EFNA5: variants seen among roughly 807,000 people sequenced by gnomAD.
EFNA5 encodes ephrin-A5.
Under a neutral mutation model 22.9 loss-of-function variants are expected in EFNA5, and 5 were observed. That is an observed-to-expected ratio of 0.22 (90% CI 0.11 to 0.46). The LOEUF (loss-of-function observed/expected upper bound fraction) is 0.46, where lower values mean the gene tolerates loss of function less well. Among genes scored for constraint, EFNA5 ranks in the 20% least tolerant of loss-of-function variants. The pLI is 0.99. For missense variants in EFNA5, 237 were observed against 293.3 expected (o/e 0.81, Z 1.40); for synonymous variants, 113 against 112.2 (o/e 1.01, Z -0.04).
At chr5:107,529,234 T>C (rs1747760773) in intron 1 of EFNA5, among the ~76,000 whole-genome samples, 1 of 152,128 alleles carries the variant, frequency 6.6e-6, no homozygotes, top group African/African-American at 2.4e-5. Flanking sequence ...ATTGGGATGT[T>C]AGAATTAATG....
chr5:107,479,220 C>T (rs954045661), intron 1 of EFNA5, among the ~76,000 whole-genome samples: 1 of 151,972 alleles, frequency 6.6e-6, no homozygotes, highest in African/African-American at 2.4e-5. Context: ...ATTCAGAAGT[C>T]AAAATACTGT....
At chr5:107,527,714 C>A (rs1026192349) in intron 1 of EFNA5, among the ~76,000 whole-genome samples, 2 of 152,116 alleles carry the variant, frequency 1.3e-5, no homozygotes, top group African/African-American at 4.8e-5. Context: ...TAGTCTCATG[C>A]ACATTATCTT....
At chr5:107,398,582 C>A (rs1385259015) in intron 2 of EFNA5, among the ~76,000 whole-genome samples, 1 of 152,000 alleles carries the variant, frequency 6.6e-6, no homozygotes, top group Non-Finnish European at 1.5e-5. Context: ...CACAGTGGCT[C>A]ACATCTGTAA....
intron 1 of EFNA5, among the ~76,000 whole-genome samples, chr5:107,528,806 A>G (rs1266015588): frequency 1.3e-5 from 2 of 152,216 alleles, no homozygotes; most frequent in Non-Finnish European, 2.9e-5. Flanking sequence ...ATATTATTAT[A>G]AGCAATAAAT....
intron 2 of EFNA5, among the ~76,000 whole-genome samples, chr5:107,421,552 T>C (rs1748665952): frequency 6.6e-6 from 1 of 152,170 alleles, no homozygotes; most frequent in Non-Finnish European, 1.5e-5. Context: ...AAGATACAGT[T>C]GAAATATCTT....
intron 1 of EFNA5, among the ~76,000 whole-genome samples, chr5:107,443,445 C>T (rs951127663): frequency 6.6e-6 from 1 of 152,172 alleles, no homozygotes; most frequent in Non-Finnish European, 1.5e-5. Context: ...ATAATTAGAG[C>T]AAGGGGGAAC....
intron 2 of EFNA5, among the ~76,000 whole-genome samples, chr5:107,420,541 GAAAAAAA>G (rs796180925): frequency 0.21 from 24,346 of 114,706 alleles, 2,489 homozygotes; most frequent in South Asian, 0.4. Flanking sequence ...AAAAAAAAAA[GAAAAAAA>G]AAAAAGAAAA....
rs776679471 is a variant in EFNA5, at chr5:107,482,868, CTCTATATATA to C, written c.126-55369_126-55360del. 4.2e-3 allele frequency among the ~76,000 whole-genome samples: 182 copies of C among 42,908 alleles called. 2 individuals are homozygous for C. Among genetic ancestry groups the C allele is most frequent in the South Asian group, 0.027 (22 of 826 alleles). The allele number at this position is 42,908 out of a possible 152,430, so 28.1% of individuals were successfully genotyped here. ...TCTCTCTCTCTCTCTCTCTCTCTCT[CTCTATATATA>C]TATATATATATATATACATACATAT... is the stretch of plus-strand genomic sequence containing the variant. On this transcript the variant is annotated intron_variant, in intron 1 of 4. Coordinates refer to ENST00000333274, the MANE Select transcript of EFNA5 (RefSeq NM_001962.3).
At chr5:107,392,279 A>G (rs1474136990) in intron 2 of EFNA5, among the ~76,000 whole-genome samples, 1 of 152,176 alleles carries the variant, frequency 6.6e-6, no homozygotes, top group East Asian at 1.9e-4. Context: ...TAAAGAGTAG[A>G]ACATGGCAAA....
In EFNA5 at chr5:107,381,240, T is replaced by C. The variant is rs2112482144; in HGVS notation, c.*15A>G. 6.2e-7 allele frequency: 1 copy of C among 1,609,262 alleles called. No homozygotes were observed. The highest frequency in any genetic ancestry group is 8.5e-7 in the Non-Finnish European group (1 of 1,176,182). On this transcript the variant is annotated 3_prime_UTR_variant, in exon 5 of 5. Transcript: ENST00000333274. ...CCCTGATGTTTTCTGTGACAAGTGA[T>C]GGGAGGAGACTGTGCTATAATGTCA...
intron 1 of EFNA5, among the ~76,000 whole-genome samples, chr5:107,432,206 C>T (rs1034026695): frequency 6.6e-6 from 1 of 152,226 alleles, no homozygotes; most frequent in Non-Finnish European, 1.5e-5. Flanking sequence ...TAGCTCCTGA[C>T]TCATCCTTTC....
chr5:107,618,124 T>C (rs906135064), intron 1 of EFNA5, among the ~76,000 whole-genome samples: 1 of 152,186 alleles, frequency 6.6e-6, no homozygotes, highest in Admixed American at 6.5e-5. Flanking sequence ...CCATTCTTGG[T>C]ACAATATCTT....
intron 1 of EFNA5, among the ~76,000 whole-genome samples, chr5:107,526,649 G>C (rs2112448014): frequency 6.6e-6 from 1 of 152,276 alleles, no homozygotes; most frequent in South Asian, 2.1e-4. Context: ...GAAAAGAACA[G>C]GATTTACTTC....
At chr5:107,468,340 T>C (rs1303456385) in intron 1 of EFNA5, among the ~76,000 whole-genome samples, 1 of 152,214 alleles carries the variant, frequency 6.6e-6, no homozygotes, top group Admixed American at 6.5e-5. Flanking sequence ...TTGCTTTTAA[T>C]GACAGAAATT....
intron 1 of EFNA5, among the ~76,000 whole-genome samples, chr5:107,476,057 T>TACA: frequency 8.0e-5 from 8 of 100,432 alleles, no homozygotes; most frequent in Admixed American, 4.4e-4. Flanking sequence ...TATATATATA[T>TACA]TTTTTTTTTT....
At chr5:107,512,126 A>G (rs1747384069) in intron 1 of EFNA5, among the ~76,000 whole-genome samples, 1 of 152,228 alleles carries the variant, frequency 6.6e-6, no homozygotes, top group Admixed American at 6.5e-5. Context: ...TGGTGGGCAG[A>G]TGTAAATGGC....
At chr5:107,415,198 T>C (rs754497122) in intron 2 of EFNA5, among the ~76,000 whole-genome samples, 5 of 152,144 alleles carry the variant, frequency 3.3e-5, no homozygotes, top group Non-Finnish European at 7.4e-5. Flanking sequence ...TATATACATA[T>C]GGAATGGATA....
In EFNA5 at chr5:107,649,157, C is replaced by T. The variant is rs147117465; in HGVS notation, c.125+21332G>A. Reference sequence around the variant, plus strand: ...AGTGAGATGCTCTCGCCTAAGAGATCGACTAATTCAATCACCTTGTAAAGA... The same window carrying T: ...AGTGAGATGCTCTCGCCTAAGAGATTGACTAATTCAATCACCTTGTAAAGA... On this transcript the variant is annotated intron_variant, in intron 1 of 4. Transcript: ENST00000333274. Among the ~76,000 whole-genome samples, 10 of 152,034 alleles carry T rather than the reference C, an allele frequency of 6.6e-5. 1 individual carries two copies. The East Asian group carries it at 1.9e-3, about 29-fold the overall frequency.
At chr5:107,386,986 T>A (rs1210204906) in intron 4 of EFNA5, among the ~76,000 whole-genome samples, 1 of 152,210 alleles carries the variant, frequency 6.6e-6, no homozygotes, top group Non-Finnish European at 1.5e-5. Context: ...CGATGGGGCT[T>A]CTATATTAGG....
Sources: gnomAD v4.1 joint callset for allele counts (sites outside exome capture counted in the v4.1 genomes callset) on GRCh38, gnomAD v4.1.1 for gene constraint, MANE v1.5 for transcripts, NCBI Gene and HGNC (gene_info 2026-07-23, HGNC 2026-07-21) for gene names.